SLC38A8: variants seen among roughly 807,000 people sequenced by gnomAD.
The protein encoded by SLC38A8 is solute carrier family 38 member 8, also known as amino acid transporter SLC38A8.
In SLC38A8, 65 loss-of-function variants were observed where a neutral mutation model predicts 46.0. The ratio of observed to expected loss-of-function variants is 1.41; its 90% CI spans 1.16 to 1.74. The LOEUF is 1.74. SLC38A8 is among the 40% of genes most tolerant of loss of function. The pLI, the probability that SLC38A8 is intolerant of heterozygous loss-of-function variation, is 0.00. For synonymous variants in SLC38A8, 447 were observed against 243.7 expected (o/e 1.83, Z -7.77); for missense variants, 998 against 567.9 (o/e 1.76, Z -7.70).
At chr16:84,031,033 C>T (rs955872097) in intron 5 of SLC38A8, among the ~76,000 whole-genome samples, 3 of 152,098 alleles carry the variant, frequency 2.0e-5, no homozygotes, top group Admixed American at 6.5e-5. Flanking sequence ...AAAGGGTGAG[C>T]CTTTTTATTA....
At position 84,033,409 on chromosome 16, in the gene SLC38A8, C is replaced by T. The variant is rs757926715; in HGVS notation, c.449G>A (p.Arg150His). ...PAPQPWYADQ[R>H]FTLPLLSVLV... ...CACGGAGAGCAGGGGCAGGGTGAAG[C>T]GCTGGTCTGCGTACCACGGCTGCGG... Residue 150 changes from arginine to histidine, a missense_variant, in exon 4 of 11, where the codon CGC becomes CAC. Transcript: ENST00000299709. 3.9e-5 allele frequency: 63 copies of T among 1,613,530 alleles called. No homozygotes were observed. The highest frequency in any genetic ancestry group is 1.3e-4 in the Admixed American group (8 of 59,952).
chr16:84,019,620 C>T (rs1401338293), intron 7 of SLC38A8, among the ~76,000 whole-genome samples: 1 of 152,200 alleles, frequency 6.6e-6, no homozygotes, highest in East Asian at 1.9e-4. Context: ...ATCCTCCTCG[C>T]AGATAAATAC....
chr16:84,026,473 C>T lies in SLC38A8; in HGVS notation c.690+3021G>A, dbSNP rs1379055582. ...AACTCCTGACCTCAGGTGATCCACC[C>T]GCCTCGGCCTCTTAAATTCCTGGGG... On this transcript the variant is annotated intron_variant, in intron 6 of 10. Transcript: ENST00000299709. Among the ~76,000 whole-genome samples, 6 of 152,304 alleles carry T rather than the reference C, an allele frequency of 3.9e-5. 1 individual carries two copies. The South Asian group carries it at 8.3e-4, about 21-fold the overall frequency.
intron 4 of SLC38A8, among the ~76,000 whole-genome samples, chr16:84,033,059 G>A (rs1384521038): frequency 2.0e-5 from 3 of 151,882 alleles, no homozygotes; most frequent in Non-Finnish European, 2.9e-5. Flanking sequence ...TTGTGGGGAG[G>A]CGTCTCTCTC....
At chr16:84,023,773 A>G (rs2085125341) in intron 6 of SLC38A8, among the ~76,000 whole-genome samples, 1 of 152,208 alleles carries the variant, frequency 6.6e-6, no homozygotes, top group Non-Finnish European at 1.5e-5. Flanking sequence ...GAGCACCTGT[A>G]ATCCCAGCTA....
At chr16:84,021,904 C>A (rs1055975330) in intron 7 of SLC38A8, among the ~76,000 whole-genome samples, 1 of 152,234 alleles carries the variant, frequency 6.6e-6, no homozygotes, top group African/African-American at 2.4e-5. Context: ...CAGAGTGTCA[C>A]ATGGCAAGGG....
chr16:84,038,727 C>T (rs974680468), intron 2 of SLC38A8, among the ~76,000 whole-genome samples: 12 of 152,196 alleles, frequency 7.9e-5, no homozygotes, highest in African/African-American at 2.9e-4. Flanking sequence ...ACTTCTGTCT[C>T]CCTCCCATCC....
At chr16:84,040,287 T>C (rs1442925671) in intron 2 of SLC38A8, among the ~76,000 whole-genome samples, 1 of 152,220 alleles carries the variant, frequency 6.6e-6, no homozygotes, top group Non-Finnish European at 1.5e-5. Flanking sequence ...GGCTGGCTCC[T>C]CTGCTCTGCC....
chr16:84,037,437 C>T (rs951458144), intron 2 of SLC38A8, among the ~76,000 whole-genome samples: 2 of 152,336 alleles, frequency 1.3e-5, no homozygotes, highest in African/African-American at 4.8e-5. Context: ...AGGTCTGTGA[C>T]ATACTCGGCT....
chr16:84,032,959 T>C (rs1304948921), intron 4 of SLC38A8, among the ~76,000 whole-genome samples: 1 of 34,714 alleles, frequency 2.9e-5, no homozygotes, highest in Non-Finnish European at 5.2e-5. Context: ...TGTGGGTAGG[T>C]GGGTGTGCAT....
intron 10 of SLC38A8, among the ~76,000 whole-genome samples, chr16:84,010,883 G>C (rs1236906966): frequency 3.3e-5 from 5 of 152,204 alleles, no homozygotes; most frequent in Admixed American, 2.0e-4. Flanking sequence ...CACGATCTCA[G>C]AGGGGTAGGG....
intron 7 of SLC38A8, among the ~76,000 whole-genome samples, chr16:84,022,350 C>G (rs1296515137): frequency 1.3e-5 from 2 of 152,226 alleles, no homozygotes; most frequent in South Asian, 2.1e-4. Flanking sequence ...TTTAAAGACC[C>G]TCTGCCTCCC....
chr16:84,012,910 G>T, intron 10 of SLC38A8, 91 bp downstream of exon 10: 6 of 1,377,368 alleles, frequency 4.4e-6, no homozygotes, highest in Non-Finnish European at 6.1e-6. Flanking sequence ...GGATGCAGAG[G>T]ATGAGAAATA....
At chr16:84,033,992 G>A (rs375995108) in intron 3 of SLC38A8, among the ~76,000 whole-genome samples, 1 of 152,230 alleles carries the variant, frequency 6.6e-6, no homozygotes, top group African/African-American at 2.4e-5. Context: ...TACAGGGCCA[G>A]GCTGGCCAAT....
chr16:84,012,784 G>C (rs1385546141), intron 10 of SLC38A8, among the ~76,000 whole-genome samples: 1 of 152,232 alleles, frequency 6.6e-6, no homozygotes, highest in Admixed American at 6.5e-5. Context: ...CAGAGTGGAA[G>C]GGAAGGCCCT....
At chr16:84,012,179 A>G (rs1309114372) in intron 10 of SLC38A8, among the ~76,000 whole-genome samples, 1 of 152,148 alleles carries the variant, frequency 6.6e-6, no homozygotes. Flanking sequence ...TCATCTCTTT[A>G]CCTGCCTCAG....
chr16:84,029,060 G>T (rs1024162471), intron 6 of SLC38A8, among the ~76,000 whole-genome samples: 2 of 152,064 alleles, frequency 1.3e-5, no homozygotes, highest in African/African-American at 4.8e-5. Flanking sequence ...CAGGAGGCAG[G>T]ATCTTTCCTG....
chr16:84,037,523 G>C (rs1006989101), intron 2 of SLC38A8, among the ~76,000 whole-genome samples: 30 of 152,188 alleles, frequency 2.0e-4, no homozygotes, highest in African/African-American at 6.8e-4. Context: ...CACTTCTGGA[G>C]ACCGAGGTAG....
chr16:84,042,029 G>C lies in SLC38A8; in HGVS notation c.129C>G (p.Leu43=). The change falls in exon 2 of 11, where the codon CTC becomes CTG. Residue 43 remains leucine (L), a synonymous_variant. Coordinates refer to ENST00000299709, the MANE Select transcript of SLC38A8 (RefSeq NM_001080442.3). ...LMKSALGAGL[L]NFPWAFSKAG... Reference sequence around the variant, plus strand: ...CTTTGGAGAAGGCCCAGGGGAAGTTGAGCAGGCCAGCTCCCAGCGCGGACT... The same window carrying C: ...CTTTGGAGAAGGCCCAGGGGAAGTTCAGCAGGCCAGCTCCCAGCGCGGACT... The C allele has an allele frequency of 3.1e-6, 5 of 1,613,680 alleles. No individual in the cohort carries two copies. Among genetic ancestry groups the C allele is most frequent in the East Asian group, 2.2e-5 (1 of 44,852 alleles).
Sources: gnomAD v4.1 joint callset for allele counts (sites outside exome capture counted in the v4.1 genomes callset) on GRCh38, gnomAD v4.1.1 for gene constraint, MANE v1.5 for transcripts, NCBI Gene and HGNC (gene_info 2026-07-23, HGNC 2026-07-21) for gene names.